The following VAX1 variants were observed in gnomAD, a reference collection of about 807,000 sequenced individuals.
The protein encoded by VAX1 is ventral anterior homeobox 1.
A neutral mutation model predicts 17.6 loss-of-function variants in VAX1; 6 were observed. The ratio of observed to expected loss-of-function variants is 0.34; its 90% CI spans 0.19 to 0.67. VAX1 has a LOEUF of 0.67. Ranked by LOEUF, VAX1 falls within the 30% of genes least tolerant of loss-of-function variation. The probability of loss-of-function intolerance (pLI) is 0.69; values close to 1 mark genes in which losing one functional copy is unlikely to be tolerated. For missense variants in VAX1, 408 were observed against 463.7 expected, an observed-to-expected ratio of 0.88 and a Z score of 1.10; for synonymous variants, 256 against 227.4, an observed-to-expected ratio of 1.13 and a Z score of -1.13.
At position 117,136,770 on chromosome 10, in the gene VAX1, G is replaced by A; in HGVS notation, c.242-111C>T. On this transcript the variant is annotated intron_variant, in intron 1 of 2. Transcript: ENST00000369206. The surrounding 1 kb of genome is among the most constrained non-coding windows in gnomAD (Gnocchi z 5.0). ...CAGAAGCGTGCAGTTTTGGGGATGGGGGGCGGGGTGCGGAGCGCGACCACA... is the reference window on the plus strand; with the variant it reads ...CAGAAGCGTGCAGTTTTGGGGATGGAGGGCGGGGTGCGGAGCGCGACCACA... The A allele has an allele frequency of 2.2e-6, 3 of 1,359,568 alleles. No individual in the cohort carries two copies. Among genetic ancestry groups the A allele is most frequent in the Non-Finnish European group, 3.0e-6 (3 of 1,009,596 alleles). 84.2% of individuals were successfully genotyped at this position (1,359,568 alleles called of 1,614,324 possible). A position where few individuals can be genotyped will look rare whatever the true frequency, so the allele number is the denominator to read the frequency against.
Position 117,138,148 on chromosome 10 carries a change from A to G in VAX1, c.-92T>C. 1 of 1,239,062 alleles carries G rather than the reference A, an allele frequency of 8.1e-7. No individual in the cohort carries two copies. The highest frequency in any genetic ancestry group is 1.1e-6 in the Non-Finnish European group (1 of 927,308). 76.8% of individuals were successfully genotyped at this position (1,239,062 alleles called of 1,614,324 possible). A position where few individuals can be genotyped will look rare whatever the true frequency, so the allele number is the denominator to read the frequency against. On this transcript the variant is annotated 5_prime_UTR_variant, in exon 1 of 3. Coordinates refer to ENST00000369206, the MANE Select transcript of VAX1 (RefSeq NM_001112704.2). The stretch of plus-strand genomic sequence containing the variant: ...GAGAAGGAAAAAAAAAAGAGGAAAA[A>G]GGGGACAAAACCCCCGACAACGCGG...
Position 117,134,184 on chromosome 10 carries a change from C to G in VAX1, c.829G>C (p.Val277Leu). Reference protein sequence around the residue: ...AAGHSLFSLPVPSLLGSVASR... With the variant: ...AAGHSLFSLPLPSLLGSVASR... ...GCGACGGAGCCGAGCAGCGAGGGCA[C>G]CGGCAGGCTGAAGAGGCTGTGGCCC... Residue 277 changes from valine (V) to leucine (L), a missense_variant, in exon 3 of 3, where the codon GTG becomes CTG. Transcript: ENST00000369206. This position sits in a 1 kb window ranked among gnomAD's most constrained non-coding sequence, Gnocchi z 6.2. 1 of 1,518,764 alleles carries G rather than the reference C, an allele frequency of 6.6e-7. No homozygotes were observed. Among genetic ancestry groups the G allele is most frequent in the Non-Finnish European group, 8.8e-7 (1 of 1,133,788 alleles). 94.1% of individuals were successfully genotyped at this position (1,518,764 alleles called of 1,614,324 possible). A position where few individuals can be genotyped will look rare whatever the true frequency, so the allele number is the denominator to read the frequency against.
chr10:117,135,657 A>G (rs926151916), intron 2 of VAX1, among the ~76,000 whole-genome samples: 3 of 152,252 alleles, frequency 2.0e-5, no homozygotes, highest in African/African-American at 7.2e-5. Flanking sequence ...CAGTCTTCAG[A>G]AAGAAGGCTG....
chr10:117,135,673 G>A (rs1854165230), intron 2 of VAX1, among the ~76,000 whole-genome samples: 1 of 152,242 alleles, frequency 6.6e-6, no homozygotes, highest in Non-Finnish European at 1.5e-5. Context: ...GGCTGCCGTA[G>A]CTAGGCCAAG....
chr10:117,135,191 A>G (rs1360515734), intron 2 of VAX1, among the ~76,000 whole-genome samples: 1 of 152,234 alleles, frequency 6.6e-6, no homozygotes, highest in African/African-American at 2.4e-5. Context: ...AGCTAGCAGC[A>G]AGCAGGGAAA....
downstream of VAX1, among the ~76,000 whole-genome samples, chr10:117,132,762 C>G (rs1451129244): frequency 2.6e-5 from 4 of 152,046 alleles, no homozygotes; most frequent in Non-Finnish European, 2.9e-5. This position sits in a 1 kb window ranked among gnomAD's most constrained non-coding sequence, Gnocchi z 4.9. Flanking sequence ...AGGGGAGTGT[C>G]TTTCCTATCA....
chr10:117,134,109 TC>T lies in VAX1; in HGVS notation c.903del (p.Asn302IlefsTer10). On this transcript the variant is annotated frameshift_variant, in exon 3 of 3. Coordinates refer to ENST00000369206, the MANE Select transcript of VAX1 (RefSeq NM_001112704.2). LOFTEE classifies it high-confidence loss of function. The surrounding 1 kb of genome is among the most constrained non-coding windows in gnomAD (Gnocchi z 6.2). The stretch of plus-strand genomic sequence containing the variant: ...TATCGGGCGGAGAGTTCTTGCAAAT[TC>T]CCAGCTAGCGAACCAGCCATTGTTA... ...APLTMAGSLA[G>X]NLQELSARYL... is the part of the protein sequence containing the mutation. The T allele has an allele frequency of 6.5e-7, 1 of 1,536,778 alleles. No individual in the cohort carries two copies. The highest frequency in any genetic ancestry group is 2.0e-5 in the Admixed American group (1 of 48,786).
At chr10:117,135,174 G>T (rs1854156252) in intron 2 of VAX1, among the ~76,000 whole-genome samples, 1 of 152,212 alleles carries the variant, frequency 6.6e-6, no homozygotes, top group East Asian at 1.9e-4. Context: ...CTTAAGACGT[G>T]ACCATTAGCT....
At position 117,137,969 on chromosome 10, in the gene VAX1, G is replaced by A. The variant is rs765641390; in HGVS notation, c.88C>T (p.Arg30Trp). 6.2e-7 allele frequency: 1 copy of A among 1,613,764 alleles called. No individual in the cohort carries two copies. The highest frequency in any genetic ancestry group is 8.5e-7 in the Non-Finnish European group (1 of 1,179,968). Residue 30 changes from arginine (R) to tryptophan (W), a missense_variant, in exon 1 of 3, where the codon CGG becomes TGG. Physicochemically the swap from Arg to Trp is moderately radical, Grantham distance 101. Transcript: ENST00000369206. The surrounding 1 kb of genome is among the most constrained non-coding windows in gnomAD (Gnocchi z 7.4). ...RVSKNAHKES[R>W]ESKGAEGNLP... The stretch of plus-strand genomic sequence containing the variant: ...TTCCCCTCCGCGCCCTTGCTCTCCC[G>A]ACTCTCCTTGTGCGCGTTCTTCGAG...
chr10:117,134,356 C>T lies in VAX1; in HGVS notation c.657G>A (p.Ala219=). 8.8e-7 allele frequency: 1 copy of T among 1,136,958 alleles called. No individual in the cohort carries two copies. The highest frequency in any genetic ancestry group is 1.1e-6 in the Non-Finnish European group (1 of 928,008). 70.4% of individuals were successfully genotyped at this position (1,136,958 alleles called of 1,614,324 possible). ...LRGPSLPALG[A]GAAAGSAAAA... Reference sequence around the variant, plus strand: ...CGGCGGCCGAGCCTGCAGCGGCGCCCGCGCCCAGGGCCGGCAAGCTGGGCC... The same window carrying T: ...CGGCGGCCGAGCCTGCAGCGGCGCCTGCGCCCAGGGCCGGCAAGCTGGGCC... Residue 219 remains alanine (A), a synonymous_variant, in exon 3 of 3, where the codon GCG becomes GCA. Transcript: ENST00000369206. The surrounding 1 kb of genome is among the most constrained non-coding windows in gnomAD (Gnocchi z 6.2).
Position 117,138,033 on chromosome 10 carries a change from C to T in VAX1, c.24G>A (p.Met8Ile). The change falls in exon 1 of 3, where the codon ATG (methionine) becomes ATA (isoleucine). Residue 8 changes from methionine (M) to isoleucine (I), a missense_variant. Met to Ile is a conservative substitution (Grantham distance 10, BLOSUM62 1). Transcript: ENST00000369206. MFGKPDK[M>I]DVRCHSDAEA... is the part of the protein sequence containing the mutation. ...CGGCGTCCGAGTGGCATCGAACGTC[C>T]ATTTTGTCTGGTTTCCCGAACATAG... 1 of 1,591,016 alleles carries T rather than the reference C, an allele frequency of 6.3e-7. No homozygotes were observed. The highest frequency in any genetic ancestry group is 8.5e-7 in the Non-Finnish European group (1 of 1,170,124).
intron 2 of VAX1, among the ~76,000 whole-genome samples, chr10:117,135,750 C>T (rs911223993): frequency 6.6e-6 from 1 of 152,236 alleles, no homozygotes; most frequent in Non-Finnish European, 1.5e-5. Flanking sequence ...TGGCCAGCTC[C>T]AAGGGGCATC....
Position 117,134,412 on chromosome 10 carries a change from CG to C in VAX1, c.600del (p.Cys200TrpfsTer94), listed in dbSNP as rs1854141757. On this transcript the variant is annotated frameshift_variant, in exon 3 of 3. Coordinates refer to ENST00000369206, the MANE Select transcript of VAX1 (RefSeq NM_001112704.2). LOFTEE classifies it low-confidence loss of function (END_TRUNC). This position sits in a 1 kb window ranked among gnomAD's most constrained non-coding sequence, Gnocchi z 6.2. ...AGCGCTGAGCCGAGAGCGCCCGTGGCGCAAGGCGGCAGCAGCGCAGGCAGGC... is the reference window on the plus strand; with the variant it reads ...AGCGCTGAGCCGAGAGCGCCCGTGGCCAAGGCGGCAGCAGCGCAGGCAGGC... ...PPGLPALLPPCATGALGSALR... is the reference protein window; with the variant it reads ...PPGLPALLPPXATGALGSALR... The C allele has an allele frequency of 1.3e-6, 2 of 1,490,164 alleles. No homozygotes were observed. The highest frequency in any genetic ancestry group is 1.8e-6 in the Non-Finnish European group (2 of 1,126,938). 92.3% of individuals were successfully genotyped at this position (1,490,164 alleles called of 1,614,324 possible).
In VAX1 at chr10:117,135,812, C is replaced by T. The variant is rs149057807; in HGVS notation, c.429+660G>A. Among the ~76,000 whole-genome samples the T allele has an allele frequency of 1.7e-4, 26 of 152,366 alleles. No homozygotes were observed. In the East Asian group the frequency reaches 2.9e-3, roughly 17 times the overall value. ...TCTAAAGCACAATCAGCAGTACTGGCTTCTGGGTCCTAGATCTCCTTCCCA... is the reference window on the plus strand; with the variant it reads ...TCTAAAGCACAATCAGCAGTACTGGTTTCTGGGTCCTAGATCTCCTTCCCA... On this transcript the variant is annotated intron_variant, in intron 2 of 2. Transcript: ENST00000369206.
In VAX1 at chr10:117,134,693, C is replaced by T. The variant is rs1854148245; in HGVS notation, c.430-110G>A. 16 of 1,147,368 alleles carry T rather than the reference C, an allele frequency of 1.4e-5. No individual in the cohort carries two copies. Among genetic ancestry groups the T allele is most frequent in the Non-Finnish European group, 1.8e-5 (16 of 866,336 alleles). The allele number at this position is 1,147,368 out of a possible 1,614,324, so 71.1% of individuals were successfully genotyped here. The stretch of plus-strand genomic sequence containing the variant: ...CCGGGGCTCTCCCCAAGTCCCAGCC[C>T]TATCCGCAGCCCCACCCAGCAGCCG... On this transcript the variant is annotated intron_variant, in intron 2 of 2. Transcript: ENST00000369206. This position sits in a 1 kb window ranked among gnomAD's most constrained non-coding sequence, Gnocchi z 6.2.
Position 117,136,200 on chromosome 10 carries a change from C to A in VAX1, c.429+272G>T, listed in dbSNP as rs1191030679. Among the ~76,000 whole-genome samples, 2 of 152,222 alleles carry A rather than the reference C, an allele frequency of 1.3e-5. No homozygotes were observed. The highest frequency in any genetic ancestry group is 1.5e-5 in the Non-Finnish European group (1 of 68,040). On this transcript the variant is annotated intron_variant, in intron 2 of 2. Coordinates refer to ENST00000369206, the MANE Select transcript of VAX1 (RefSeq NM_001112704.2). This position sits in a 1 kb window ranked among gnomAD's most constrained non-coding sequence, Gnocchi z 5.0. ...TCAAAACCGGGGGACAATAAAAATT[C>A]CAAAAGGACAGGATTTGGGGCCTTC...
At position 117,137,753 on chromosome 10, in the gene VAX1, C is replaced by G. The variant is rs975318708; in HGVS notation, c.241+63G>C. 9.4e-6 allele frequency: 15 copies of G among 1,603,868 alleles called. No homozygotes were observed. The highest frequency in any genetic ancestry group is 2.2e-4 in the Middle Eastern group (1 of 4,446). On this transcript the variant is annotated intron_variant, in intron 1 of 2. Transcript: ENST00000369206. This position sits in a 1 kb window ranked among gnomAD's most constrained non-coding sequence, Gnocchi z 7.4. The stretch of plus-strand genomic sequence containing the variant: ...TCCCACCGGCCTGTGTCGGCGGCAG[C>G]GCGCAGCTCCGGCCCCGGAGTCGAC...
rs760308688 is a variant in VAX1 at position 117,137,878 on chromosome 10, C to A, written c.179G>T (p.Cys60Phe). Residue 60 changes from cysteine (C) to phenylalanine (F), a missense_variant, in exon 1 of 3, where the codon TGT becomes TTT. Around this residue, in one of 4 missense-constraint regions of VAX1, gnomAD observed 133 missense variants for 112.0 expected, o/e 1.19. Transcript: ENST00000369206. The surrounding 1 kb of genome is among the most constrained non-coding windows in gnomAD (Gnocchi z 7.4). ...AFSASGAAED[C>F]NKSKSNSAAD... Reference sequence around the variant, plus strand: ...TGCGGAATTGGATTTACTTTTGTTACAATCCTCAGCAGCGCCCGACGCTGA... The same window carrying A: ...TGCGGAATTGGATTTACTTTTGTTAAAATCCTCAGCAGCGCCCGACGCTGA... The A allele has an allele frequency of 3.7e-6, 6 of 1,613,786 alleles. No individual in the cohort carries two copies. In the South Asian group the frequency reaches 5.5e-5, roughly 15 times the overall value.
Position 117,133,725 on chromosome 10 carries a change from A to C in VAX1, c.*283T>G. On this transcript the variant is annotated 3_prime_UTR_variant, in exon 3 of 3. Coordinates refer to ENST00000369206, the MANE Select transcript of VAX1 (RefSeq NM_001112704.2). The stretch of plus-strand genomic sequence containing the variant: ...CCTGGGCTGGGCACGGGGTCAGGGC[A>C]TCAGGTTGACTAACTCGGGCATTTT... The C allele has an allele frequency of 2.6e-6, 3 of 1,165,410 alleles. No homozygotes were observed. The highest frequency in any genetic ancestry group is 5.1e-5 in the East Asian group (1 of 19,634). 72.2% of individuals were successfully genotyped at this position (1,165,410 alleles called of 1,614,324 possible).
Sources: allele counts gnomAD v4.1 joint callset (sites outside exome capture counted in the v4.1 genomes callset), GRCh38; gene constraint gnomAD v4.1.1; regional missense constraint gnomAD v4.1.1; non-coding constraint Gnocchi (gnomAD v3.1); transcripts MANE v1.5; gene names NCBI Gene and HGNC (gene_info 2026-07-23, HGNC 2026-07-21).